NSMCE1: variants seen among roughly 807,000 people sequenced by gnomAD.
The protein encoded by NSMCE1 is non-structural maintenance of chromosomes element 1 homolog.
NSMCE1 carries 18 observed loss-of-function variants against 29.6 expected under a neutral mutation model. The observed-to-expected ratio is 0.61, with a 90% confidence interval of 0.42 to 0.90. The LOEUF is 0.90. Ranked by LOEUF, NSMCE1 falls within the 40% of genes least tolerant of loss-of-function variation. NSMCE1 has a pLI of 0.00. For synonymous variants in NSMCE1, 124 were observed against 133.4 expected (o/e 0.93, Z 0.49); for missense variants, 314 against 343.6 (o/e 0.91, Z 0.68).
intron 2 of NSMCE1, among the ~76,000 whole-genome samples, chr16:27,246,118 T>C (rs370995885): frequency 1.3e-5 from 2 of 151,916 alleles, no homozygotes; most frequent in Admixed American, 6.6e-5. Context: ...GATAAGAGAG[T>C]TGACAAAAAC....
In NSMCE1 at chr16:27,234,169, T is replaced by C. The variant is rs1175769146; in HGVS notation, c.336+19A>G. Reference sequence around the variant, plus strand: ...CATAAGAAGCCCACCCAATGGGCAATGGGGATTACTCTACTTACAGCCTTT... The same window carrying C: ...CATAAGAAGCCCACCCAATGGGCAACGGGGATTACTCTACTTACAGCCTTT... On this transcript the variant is annotated intron_variant, in intron 4 of 7. Transcript: ENST00000361439. The C allele has an allele frequency of 2.6e-6, 4 of 1,550,280 alleles. No homozygotes were observed. Among genetic ancestry groups the C allele is most frequent in the South Asian group, 1.1e-5 (1 of 89,810 alleles).
rs748144106 is a variant in NSMCE1 at position 27,234,227 on chromosome 16, C to A, written c.297G>T (p.Thr99=). The change falls in exon 4 of 8, where the codon ACG becomes ACT. Residue 99 remains threonine (T), a synonymous_variant. Coordinates refer to ENST00000361439, the MANE Select transcript of NSMCE1 (RefSeq NM_145080.4). Reference sequence around the variant, plus strand: ...AATCCAGTTCATTCTCTGCAAAATCCGTAGCCATTTTGGAAATTGAAGTTG... The same window carrying A: ...AATCCAGTTCATTCTCTGCAAAATCAGTAGCCATTTTGGAAATTGAAGTTG... ...LATTSISKMA[T]DFAENELDLF... is the part of the protein sequence containing the mutation. 6.2e-7 allele frequency: 1 copy of A among 1,613,602 alleles called. No individual in the cohort carries two copies. Among genetic ancestry groups the A allele is most frequent in the South Asian group, 1.1e-5 (1 of 91,064 alleles).
intron 2 of NSMCE1, among the ~76,000 whole-genome samples, chr16:27,239,987 C>T (rs2083874080): frequency 6.6e-6 from 1 of 152,166 alleles, no homozygotes; most frequent in Admixed American, 6.5e-5. Flanking sequence ...TGGTTCATTT[C>T]ATCATGACAA....
intron 2 of NSMCE1, among the ~76,000 whole-genome samples, chr16:27,238,015 A>T (rs1436290718): frequency 1.3e-5 from 2 of 152,088 alleles, no homozygotes; most frequent in Non-Finnish European, 2.9e-5. Flanking sequence ...TGACCCTGTA[A>T]CTGTTTCTCA....
chr16:27,240,693 C>G (rs570700949), intron 2 of NSMCE1, among the ~76,000 whole-genome samples: 157 of 152,354 alleles, frequency 1.0e-3, no homozygotes, highest in African/African-American at 3.5e-3. Context: ...GGACACTTCT[C>G]CCCTAAGGAG....
chr16:27,252,411 T>C (rs1410108021), intron 2 of NSMCE1, among the ~76,000 whole-genome samples: 2 of 152,230 alleles, frequency 1.3e-5, no homozygotes, highest in Non-Finnish European at 2.9e-5. Flanking sequence ...TTTCAAATCA[T>C]TTCTAATGGT....
rs937781068 is a variant in NSMCE1 at position 27,232,426 on chromosome 16, C to G, written c.483+575G>C. 6.6e-6 allele frequency among the ~76,000 whole-genome samples: 1 copy of G among 152,228 alleles called. No homozygotes were observed. Among genetic ancestry groups the G allele is most frequent in the African/African-American group, 2.4e-5 (1 of 41,460 alleles). On this transcript the variant is annotated intron_variant, in intron 5 of 7. Coordinates refer to ENST00000361439, the MANE Select transcript of NSMCE1 (RefSeq NM_145080.4). This position sits in a 1 kb window ranked among gnomAD's most constrained non-coding sequence, Gnocchi z 4.5. ...AGATGTCACAGCTCCTTTCCTGAAG[C>G]AGGTCTATGCCTCTTCTAAGCACTG...
chr16:27,241,073 C>CA (rs1232523904), intron 2 of NSMCE1, among the ~76,000 whole-genome samples: 3 of 152,014 alleles, frequency 2.0e-5, no homozygotes, highest in East Asian at 1.9e-4. Context: ...GGCCATCTCT[C>CA]AAAAAATGAA....
rs372355378 is a variant in NSMCE1 at position 27,233,106 on chromosome 16, G to A, written c.378C>T (p.Ser126=). 5 of 1,614,098 alleles carry A rather than the reference G, an allele frequency of 3.1e-6. No individual in the cohort carries two copies. In the South Asian group the frequency reaches 3.3e-5, roughly 11 times the overall value. ...GATCAACCAGGTTCAATATGTTTGT[G>A]GAAGACGCAAAGCCGGTTTCTGAGT... ...IIDSETGFAS[S]TNILNLVDQL... Residue 126 remains serine, a synonymous_variant, in exon 5 of 8, where the codon TCC becomes TCT. Transcript: ENST00000361439.
chr16:27,264,238 T>G (rs1455156550), intron 1 of NSMCE1, among the ~76,000 whole-genome samples: 1 of 152,084 alleles, frequency 6.6e-6, no homozygotes, highest in African/African-American at 2.4e-5. Flanking sequence ...CTGGGCATGA[T>G]GGTATGCACC....
At chr16:27,243,969 CCT>C (rs2083922245) in intron 2 of NSMCE1, among the ~76,000 whole-genome samples, 1 of 152,200 alleles carries the variant, frequency 6.6e-6, no homozygotes, top group African/African-American at 2.4e-5. Context: ...AATTTTTATC[CCT>C]GTTTCTAAGA....
intron 1 of NSMCE1, among the ~76,000 whole-genome samples, chr16:27,262,539 A>G (rs2084170694): frequency 6.6e-6 from 1 of 152,222 alleles, no homozygotes; most frequent in South Asian, 2.1e-4. Flanking sequence ...GTGGCTAGCC[A>G]TATGTGAAGA....
At chr16:27,262,907 A>T (rs1008626942) in intron 1 of NSMCE1, among the ~76,000 whole-genome samples, 1 of 152,240 alleles carries the variant, frequency 6.6e-6, no homozygotes, top group Admixed American at 6.5e-5. Context: ...ATTTTTCAAA[A>T]AGAAGACATA....
chr16:27,226,554 G>A (rs1215252044), intron 6 of NSMCE1, 166 bp downstream of exon 6: 2 of 579,810 alleles, frequency 3.4e-6, no homozygotes, highest in African/African-American at 3.7e-5. Context: ...ACAGCAGGGA[G>A]GCGTCCTGAC....
At chr16:27,256,116 C>T (rs189522992) in intron 2 of NSMCE1, among the ~76,000 whole-genome samples, 1 of 152,236 alleles carries the variant, frequency 6.6e-6, no homozygotes, top group Admixed American at 6.5e-5. Flanking sequence ...TCCCTGTGTA[C>T]CTGTACACGC....
At chr16:27,249,188 G>A (rs2083994299) in intron 2 of NSMCE1, among the ~76,000 whole-genome samples, 1 of 152,190 alleles carries the variant, frequency 6.6e-6, no homozygotes, top group African/African-American at 2.4e-5. Context: ...CTGAATACAA[G>A]TCATTCATTA....
At chr16:27,258,940 G>A (rs534706814) in intron 1 of NSMCE1, among the ~76,000 whole-genome samples, 5 of 151,772 alleles carry the variant, frequency 3.3e-5, no homozygotes, top group East Asian at 1.9e-4. Flanking sequence ...TAGTAGAGAC[G>A]GGTTTCACCA....
chr16:27,235,789 C>T (rs560386001), intron 2 of NSMCE1, among the ~76,000 whole-genome samples: 161 of 152,308 alleles, frequency 1.1e-3, no homozygotes, highest in Non-Finnish European at 1.7e-3. Context: ...TATTCAATGT[C>T]GGGTTATCCT....
intron 2 of NSMCE1, among the ~76,000 whole-genome samples, chr16:27,245,705 G>C (rs1200486036): frequency 6.6e-6 from 1 of 152,166 alleles, no homozygotes; most frequent in African/African-American, 2.4e-5. Flanking sequence ...AATTCATCGA[G>C]TCACACGTTA....
Sources: gnomAD v4.1 joint callset for allele counts (sites outside exome capture counted in the v4.1 genomes callset) on GRCh38, gnomAD v4.1.1 for gene constraint, Gnocchi (gnomAD v3.1) non-coding constraint, MANE v1.5 for transcripts, NCBI Gene and HGNC (gene_info 2026-07-23, HGNC 2026-07-21) for gene names.